The following REXO1 variants were observed in gnomAD, a reference collection of about 807,000 sequenced individuals.
The protein encoded by REXO1 is RNA exonuclease 1 homolog.
In REXO1, 42 loss-of-function variants were observed where a neutral mutation model predicts 102.6. The ratio of observed to expected loss-of-function variants is 0.41; its 90% confidence interval spans 0.32 to 0.53. The LOEUF is 0.53. Ranked by LOEUF, REXO1 falls within the 20% of genes least tolerant of loss-of-function variation. The pLI is 0.27. For missense variants in REXO1, 1,819 were observed against 1,732.5 expected, an observed-to-expected ratio of 1.05 and a Z score of -0.89; for synonymous variants, 908 against 779.1, an observed-to-expected ratio of 1.17 and a Z score of -2.76.
chr19:1,825,787 TAAAAAAAAA>T (rs59277540), intron 3 of REXO1, 43 bp downstream of exon 3: 1 of 995,590 alleles, frequency 1.0e-6, no homozygotes, highest in Non-Finnish European at 1.5e-6. Context: ...ACCTCGTCTT[TAAAAAAAAA>T]AAAAAAAAAG....
intron 1 of REXO1, among the ~76,000 whole-genome samples, chr19:1,838,393 C>T (rs921698991): frequency 2.0e-5 from 3 of 149,988 alleles, no homozygotes; most frequent in Non-Finnish European, 4.4e-5. Flanking sequence ...TCGAAGCGGG[C>T]GGATCACCTG....
At chr19:1,842,571 G>C (rs796080223) in intron 1 of REXO1, among the ~76,000 whole-genome samples, 20 of 152,408 alleles carry the variant, frequency 1.3e-4, no homozygotes, top group African/African-American at 4.8e-4. Context: ...TCCGGGCCCA[G>C]CAGCCAGGTT....
chr19:1,845,855 G>A (rs1476841693), intron 1 of REXO1, among the ~76,000 whole-genome samples: 3 of 152,126 alleles, frequency 2.0e-5, no homozygotes, highest in African/African-American at 7.2e-5. Context: ...TGCCTGCCTT[G>A]GTGCCCTCAT....
Position 1,820,298 on chromosome 19 carries a change from T to C in REXO1, c.2492A>G (p.Lys831Arg). 2 of 1,613,850 alleles carry C rather than the reference T, an allele frequency of 1.2e-6. No individual in the cohort carries two copies. The highest frequency in any genetic ancestry group is 1.7e-6 in the Non-Finnish European group (2 of 1,179,962). The change falls in exon 6 of 16, where the codon AAG (lysine) becomes AGG (arginine). Residue 831 changes from lysine to arginine, a missense_variant. Lys to Arg is a conservative substitution (Grantham distance 26). Coordinates refer to ENST00000170168, the MANE Select transcript of REXO1 (RefSeq NM_020695.4). ...YLNLFIEECLKFCTSNQEAIE... is the reference protein window; with the variant it reads ...YLNLFIEECLRFCTSNQEAIE... Reference sequence around the variant, plus strand: ...GGCCTCCTGGTTGGAGGTACAGAACTTGAGACACTCCTCGATGAACAGGTT... The same window carrying C: ...GGCCTCCTGGTTGGAGGTACAGAACCTGAGACACTCCTCGATGAACAGGTT...
In REXO1 at chr19:1,827,403, G is replaced by T; in HGVS notation, c.1386C>A (p.Ser462Arg). 6.5e-7 allele frequency: 1 copy of T among 1,542,378 alleles called. No individual in the cohort carries two copies. The highest frequency in any genetic ancestry group is 8.7e-7 in the Non-Finnish European group (1 of 1,153,712). ...TGCCGGCCGCCGGTCGGGAGTCCCC[G>T]CTTGTGGGGCTCGGCCGCCGCGCTG... Reference protein sequence around the residue: ...DRPARRPSPTSGDSRPAAGRG... With the variant: ...DRPARRPSPTRGDSRPAAGRG... The change falls in exon 2 of 16, where the codon AGC becomes AGA. Residue 462 changes from serine to arginine, a missense_variant. Transcript: ENST00000170168.
At position 1,848,385 on chromosome 19, in the gene REXO1, C is replaced by A. The variant is rs1044198571; in HGVS notation, c.-27G>T. The A allele has an allele frequency of 8.4e-7, 1 of 1,191,286 alleles. No homozygotes were observed. The highest frequency in any genetic ancestry group is 1.0e-6 in the Non-Finnish European group (1 of 957,070). 73.8% of individuals were successfully genotyped at this position (1,191,286 alleles called of 1,614,324 possible). ...GTCCGTCCCGCGGCGGGGCCCCGGC[C>A]CGGAGCCGCCCGGGCCCCAGGGCCC... is the stretch of plus-strand genomic sequence containing the variant. On this transcript the variant is annotated 5_prime_UTR_variant, in exon 1 of 16. Transcript: ENST00000170168.
intron 12 of REXO1, 102 bp from the exon 13 acceptor site, chr19:1,816,915 G>C: frequency 2.2e-6 from 2 of 899,368 alleles, no homozygotes; most frequent in Non-Finnish European, 3.5e-6. Flanking sequence ...GGCAGAGGCA[G>C]TGACCAGAGA....
At chr19:1,818,426 G>T in intron 10 of REXO1, 56 bp downstream of exon 10, 1 of 1,364,548 alleles carries the variant, frequency 7.3e-7, no homozygotes, top group South Asian at 1.3e-5. Context: ...CTCAAGGGAG[G>T]GCCCAGGTTC....
At chr19:1,835,784 A>T (rs143289901) in intron 1 of REXO1, among the ~76,000 whole-genome samples, 167 of 152,134 alleles carry the variant, frequency 1.1e-3, no homozygotes, top group African/African-American at 3.8e-3. Flanking sequence ...CTTCACCCCA[A>T]GGCCAGGACT....
intron 1 of REXO1, among the ~76,000 whole-genome samples, chr19:1,839,994 G>C (rs2011213171): frequency 6.6e-6 from 1 of 152,224 alleles, no homozygotes. Context: ...GAGGGCCTCT[G>C]AGCCACTGTG....
In REXO1 at chr19:1,827,124, G is replaced by A; in HGVS notation, c.1665C>T (p.Asp555=). ...GCGCCTCCGGGAAGCCCAGGCTGGAGTCTGAGTCGGAGTCTGAGTCCGAGC... is the reference window on the plus strand; with the variant it reads ...GCGCCTCCGGGAAGCCCAGGCTGGAATCTGAGTCGGAGTCTGAGTCCGAGC... ...SLSSDSDSDS[D]SSLGFPEAQG... The change falls in exon 2 of 16, where the codon GAC becomes GAT. Residue 555 remains aspartate (D), a synonymous_variant. Transcript: ENST00000170168. 1 of 1,542,326 alleles carries A rather than the reference G, an allele frequency of 6.5e-7. No homozygotes were observed. The highest frequency in any genetic ancestry group is 8.7e-7 in the Non-Finnish European group (1 of 1,146,100).
chr19:1,837,911 G>A (rs926406728), intron 1 of REXO1, among the ~76,000 whole-genome samples: 2 of 152,238 alleles, frequency 1.3e-5, no homozygotes, highest in Non-Finnish European at 1.5e-5. Context: ...TGGGGCGGCC[G>A]TCCCCACATG....
intron 1 of REXO1, among the ~76,000 whole-genome samples, chr19:1,840,670 G>A (rs895805219): frequency 5.5e-5 from 8 of 145,778 alleles, no homozygotes; most frequent in East Asian, 2.0e-4. Flanking sequence ...ACCCGGGCCC[G>A]CCCCACGTCA....
chr19:1,833,421 G>A (rs2069958173), intron 1 of REXO1, among the ~76,000 whole-genome samples: 2 of 152,236 alleles, frequency 1.3e-5, no homozygotes, highest in Admixed American at 1.3e-4. Flanking sequence ...GTCACCCCAT[G>A]TGCCCAGCAG....
intron 9 of REXO1, 54 bp from the exon 10 acceptor site, chr19:1,818,649 C>A: frequency 6.2e-7 from 1 of 1,607,584 alleles, no homozygotes; most frequent in Non-Finnish European, 8.5e-7. Flanking sequence ...CCCGCATGCC[C>A]GGCCTTGCCC....
Position 1,823,591 on chromosome 19 carries a change from G to A in REXO1, c.2211C>T (p.Pro737=). 1 of 1,321,008 alleles carries A rather than the reference G, an allele frequency of 7.6e-7. No individual in the cohort carries two copies. The highest frequency in any genetic ancestry group is 2.4e-5 in the South Asian group (1 of 42,198). The allele number at this position is 1,321,008 out of a possible 1,614,324, so 81.8% of individuals were successfully genotyped here. The change falls in exon 4 of 16, where the codon CCC becomes CCT. Residue 737 remains proline, a synonymous_variant. Transcript: ENST00000170168. ...PGEKRRIAHI[P]NPRLAAAPTG... ...ACTCACCTGCAGCCAGGCGGGGGTT[G>A]GGGATGTGGGCGATCCTCCTCTTCT...
rs1171807299 is a variant in REXO1, at chr19:1,815,599, C to A, written c.*467G>T. On this transcript the variant is annotated 3_prime_UTR_variant, in exon 16 of 16. Transcript: ENST00000170168. This position sits in a 1 kb window ranked among gnomAD's most constrained non-coding sequence, Gnocchi z 4.0. ...GGGAAGGCAGCAGGCCCGCTCTTCCCGGTGGGAAAGATGCTGTGCAAGTCA... is the reference window on the plus strand; with the variant it reads ...GGGAAGGCAGCAGGCCCGCTCTTCCAGGTGGGAAAGATGCTGTGCAAGTCA... 8 of 1,003,326 alleles carry A rather than the reference C, an allele frequency of 8.0e-6. No homozygotes were observed. The African/African-American group carries it at 1.4e-4, about 17-fold the overall frequency. The allele number at this position is 1,003,326 out of a possible 1,614,324, so 62.2% of individuals were successfully genotyped here.
intron 1 of REXO1, among the ~76,000 whole-genome samples, chr19:1,832,026 C>T (rs1272954934): frequency 6.6e-6 from 1 of 151,824 alleles, no homozygotes. Context: ...ACTGCAGGTG[C>T]GACTTGAACA....
chr19:1,830,943 G>C (rs2069884763), intron 1 of REXO1: 1 of 153,726 alleles, frequency 6.5e-6, no homozygotes, highest in South Asian at 1.8e-4. Flanking sequence ...TTAAGGGGGA[G>C]GCGTGCGCCC....
Sources: gnomAD v4.1 joint callset for allele counts (sites outside exome capture counted in the v4.1 genomes callset) on GRCh38, gnomAD v4.1.1 for gene constraint, Gnocchi (gnomAD v3.1) non-coding constraint, MANE v1.5 for transcripts, NCBI Gene and HGNC (gene_info 2026-07-23, HGNC 2026-07-21) for gene names.